FER: variants seen among roughly 807,000 people sequenced by gnomAD.
The protein encoded by FER is tyrosine-protein kinase Fer.
A neutral mutation model predicts 111.0 loss-of-function variants in FER; 63 were observed. The observed-to-expected ratio is 0.57, with a 90% confidence interval of 0.46 to 0.70. The LOEUF is 0.70. Ranked by LOEUF, FER falls within the 30% of genes least tolerant of loss-of-function variation. FER has a pLI of 0.00. For missense variants in FER, 914 were observed against 954.0 expected (o/e 0.96, Z 0.55); for synonymous variants, 327 against 313.9 (o/e 1.04, Z -0.44).
At chr5:109,147,740 C>T (rs924703569) in intron 17 of FER, among the ~76,000 whole-genome samples, 2 of 148,900 alleles carry the variant, frequency 1.3e-5, no homozygotes, top group South Asian at 4.3e-4. Context: ...AACATGCAAA[C>T]ATGTATGTTC....
chr5:108,754,848 A>G (rs1750905436), intron 1 of FER, among the ~76,000 whole-genome samples: 2 of 152,206 alleles, frequency 1.3e-5, no homozygotes, highest in Non-Finnish European at 2.9e-5. Flanking sequence ...TGCTCTTTAC[A>G]TTGGCTCAGT....
chr5:108,765,202 G>A (rs891815694), intron 1 of FER, among the ~76,000 whole-genome samples: 2 of 152,058 alleles, frequency 1.3e-5, no homozygotes, highest in Admixed American at 1.3e-4. Context: ...TTGAAGTAAC[G>A]CAAGGAATAT....
At position 109,112,145 on chromosome 5, in the gene FER, GT is replaced by G. The variant is rs1224880317; in HGVS notation, c.2048+11635del. Among the ~76,000 whole-genome samples the G allele has an allele frequency of 5.3e-5, 8 of 149,988 alleles. No homozygotes were observed. The East Asian group carries it at 5.9e-4, about 11-fold the overall frequency. ...CCTACCTCACAGTCACTGTTTGTTTGTTTTTTTTTAGGTTAAATTAAAATAA... is the reference window on the plus strand; with the variant it reads ...CCTACCTCACAGTCACTGTTTGTTTGTTTTTTTTAGGTTAAATTAAAATAA... On this transcript the variant is annotated intron_variant, in intron 17 of 19. Coordinates refer to ENST00000281092, the MANE Select transcript of FER (RefSeq NM_005246.4).
At chr5:109,112,599 C>T (rs930028970) in intron 17 of FER, among the ~76,000 whole-genome samples, 2 of 152,062 alleles carry the variant, frequency 1.3e-5, no homozygotes, top group African/African-American at 4.8e-5. Flanking sequence ...TTCATATTTC[C>T]ATCTTTAACA....
intron 13 of FER, among the ~76,000 whole-genome samples, chr5:108,968,318 C>T (rs1334310809): frequency 6.6e-6 from 1 of 151,974 alleles, no homozygotes; most frequent in Non-Finnish European, 1.5e-5. Flanking sequence ...ACCTGGGAGG[C>T]GGAGGTTGCA....
intron 16 of FER, among the ~76,000 whole-genome samples, chr5:109,084,507 TAA>T (rs147064446): frequency 6.6e-6 from 1 of 151,342 alleles, no homozygotes; most frequent in Non-Finnish European, 1.5e-5. Flanking sequence ...CAATTAAAAA[TAA>T]AAAAAAATTT....
At chr5:109,057,865 A>T (rs191695383) in intron 16 of FER, among the ~76,000 whole-genome samples, 2 of 152,352 alleles carry the variant, frequency 1.3e-5, no homozygotes, top group Admixed American at 1.3e-4. Flanking sequence ...AATATTTCTA[A>T]ACTCATTATT....
chr5:109,123,544 T>C (rs1000657147), intron 17 of FER, among the ~76,000 whole-genome samples: 18 of 152,140 alleles, frequency 1.2e-4, no homozygotes, highest in African/African-American at 4.3e-4. Flanking sequence ...TGTATATCTC[T>C]TGTATGTTTT....
At chr5:108,775,471 A>G (rs984766243) in intron 2 of FER, among the ~76,000 whole-genome samples, 2 of 152,214 alleles carry the variant, frequency 1.3e-5, no homozygotes, top group African/African-American at 2.4e-5. Context: ...CATTTTTGTT[A>G]ATAATTCTGC....
At chr5:109,038,607 C>A (rs1234545812) in intron 14 of FER, among the ~76,000 whole-genome samples, 6 of 151,798 alleles carry the variant, frequency 4.0e-5, no homozygotes, top group African/African-American at 1.4e-4. Context: ...TCTAAAGAAC[C>A]TCAAGCTAAA....
chr5:108,881,843 A>G (rs569934402), intron 8 of FER, among the ~76,000 whole-genome samples: 1 of 152,040 alleles, frequency 6.6e-6, no homozygotes, highest in South Asian at 2.1e-4. Flanking sequence ...ATTACCTCCT[A>G]GAGGCTCCAT....
Position 109,131,606 on chromosome 5 carries a change from AAGATG to A in FER, c.2048+31092_2048+31096del, listed in dbSNP as rs758470246. Among the ~76,000 whole-genome samples, 59 of 152,168 alleles carry A rather than the reference AAGATG, an allele frequency of 3.9e-4. 1 individual carries two copies. The highest frequency in any genetic ancestry group is 6.6e-4 in the Non-Finnish European group (45 of 68,020). On this transcript the variant is annotated intron_variant, in intron 17 of 19. Transcript: ENST00000281092. Reference sequence around the variant, plus strand: ...TATTTCAATTTTTCTTCTAATAGGAAAGATGAGATCAGTAATGTATTTATTTTTTG... The same window carrying A: ...TATTTCAATTTTTCTTCTAATAGGAAAGATCAGTAATGTATTTATTTTTTG...
chr5:108,844,791 C>T (rs957380914), intron 5 of FER, among the ~76,000 whole-genome samples: 20 of 151,308 alleles, frequency 1.3e-4, no homozygotes, highest in African/African-American at 4.4e-4. Flanking sequence ...TTAATTTGTT[C>T]AGAATAGTTA....
At position 109,188,893 on chromosome 5, in the gene FER, A is replaced by G. The variant is rs987151800; in HGVS notation, c.*1318A>G. ...AGAATTTCATGATTCTAGTTCACCA[A>G]CACATTCACGTGTGTACATGCGCGT... On this transcript the variant is annotated 3_prime_UTR_variant, in exon 20 of 20. Coordinates refer to ENST00000281092, the MANE Select transcript of FER (RefSeq NM_005246.4). 1 of 151,714 alleles carries G rather than the reference A, an allele frequency of 6.6e-6. No homozygotes were observed. The highest frequency in any genetic ancestry group is 2.4e-5 in the African/African-American group (1 of 41,270). 9.4% of individuals were successfully genotyped at this position (151,714 alleles called of 1,614,324 possible). A position where few individuals can be genotyped will look rare whatever the true frequency, so the allele number is the denominator to read the frequency against.
intron 17 of FER, among the ~76,000 whole-genome samples, chr5:109,106,089 A>G (rs143851618): frequency 4.6e-5 from 7 of 152,260 alleles, no homozygotes; most frequent in Admixed American, 2.0e-4. Context: ...CACTGAATCT[A>G]CTCTACTGCC....
At chr5:108,970,767 C>T (rs73211547) in intron 13 of FER, among the ~76,000 whole-genome samples, 2 of 151,986 alleles carry the variant, frequency 1.3e-5, no homozygotes, top group East Asian at 3.9e-4. Flanking sequence ...AGAGGAGAAG[C>T]TAAACATGGG....
chr5:108,961,835 T>C (rs1469971541), intron 13 of FER, among the ~76,000 whole-genome samples: 6 of 152,200 alleles, frequency 3.9e-5, no homozygotes, highest in Non-Finnish European at 7.4e-5. Flanking sequence ...TGTACTCTTA[T>C]AACTGAATCT....
intron 16 of FER, among the ~76,000 whole-genome samples, chr5:109,060,014 A>G (rs9885519): frequency 0.051 from 7,719 of 152,262 alleles, 242 homozygotes; most frequent in South Asian, 0.084. Context: ...ATGAGCTACT[A>G]ATATATGCTA....
At chr5:109,008,478 C>T (rs901515012) in intron 13 of FER, among the ~76,000 whole-genome samples, 4 of 152,094 alleles carry the variant, frequency 2.6e-5, no homozygotes, top group African/African-American at 7.2e-5. Flanking sequence ...CAGTTATTTT[C>T]ACCTGTCCTA....
Sources: gnomAD v4.1 joint callset for allele counts (sites outside exome capture counted in the v4.1 genomes callset) on GRCh38, gnomAD v4.1.1 for gene constraint, MANE v1.5 for transcripts, NCBI Gene and HGNC (gene_info 2026-07-23, HGNC 2026-07-21) for gene names.